The following VIRMA variants were observed in gnomAD, a reference collection of about 807,000 sequenced individuals.
The protein encoded by VIRMA is vir like m6A methyltransferase associated.
Under a neutral mutation model 182.4 loss-of-function variants are expected in VIRMA, and 65 were observed. The ratio of observed to expected loss-of-function variants is 0.36; its 90% CI spans 0.29 to 0.44. VIRMA has a LOEUF of 0.44. Ranked by LOEUF, VIRMA falls within the 20% of genes least tolerant of loss-of-function variation. The pLI is 1.00. For synonymous variants in VIRMA, 709 were observed against 743.1 expected (o/e 0.95, Z 0.75); for missense variants, 1,752 against 2,158.1 (o/e 0.81, Z 3.73).
At chr8:94,517,983 A>C in intron 9 of VIRMA, 41 bp from the exon 10 acceptor site, 8 of 1,523,664 alleles carry the variant, frequency 5.3e-6, no homozygotes, top group African/African-American at 1.4e-5. Context: ...ATACAAAAAC[A>C]ATTTTTTAGG....
At chr8:94,531,661 T>C (rs1815179605) in intron 5 of VIRMA, among the ~76,000 whole-genome samples, 1 of 152,334 alleles carries the variant, frequency 6.6e-6, no homozygotes, top group South Asian at 2.1e-4. Flanking sequence ...ACTTCTCACA[T>C]ACCAAAACAT....
Position 94,496,329 on chromosome 8 carries a change from A to G in VIRMA, c.4382T>C (p.Leu1461Ser). Residue 1461 changes from leucine (L) to serine (S), a missense_variant and splice_region_variant, in exon 18 of 24, where the codon TTG (leucine) becomes TCG (serine). By Grantham distance (145) the Leu-to-Ser change is moderately radical (BLOSUM62 -2). Transcript: ENST00000297591. ...NLFLELEKLVLEHSKDDDNLD... is the reference protein window; with the variant it reads ...NLFLELEKLVSEHSKDDDNLD... ...ACGCTCTGTTTTTTTCTTTTTTACC[A>G]AAACAAGCTTCTCTAGTTCAAGGAA... The G allele has an allele frequency of 6.2e-7, 1 of 1,605,856 alleles. No homozygotes were observed. The highest frequency in any genetic ancestry group is 8.5e-7 in the Non-Finnish European group (1 of 1,177,990).
At chr8:94,524,600 C>T (rs757990017) in intron 8 of VIRMA, among the ~76,000 whole-genome samples, 7 of 152,176 alleles carry the variant, frequency 4.6e-5, no homozygotes, top group African/African-American at 9.7e-5. Flanking sequence ...CCACCACACC[C>T]GGCTCTAGTT....
rs754972922 is a variant in VIRMA, at chr8:94,517,852, T to C, written c.2604A>G (p.Leu868=). Residue 868 remains leucine, a synonymous_variant, in exon 10 of 24, where the codon CTA becomes CTG. Transcript: ENST00000297591. ...VVQSSSDVQM[L]EQHAASLLKL... ...TCAAGAGAGATGCTGCATGTTGTTC[T>C]AGCATTTGAACATCACTGGAAGACT... The C allele has an allele frequency of 1.9e-6, 3 of 1,611,960 alleles. No individual in the cohort carries two copies. The highest frequency in any genetic ancestry group is 4.5e-5 in the East Asian group (2 of 44,762).
chr8:94,539,355 A>G (rs988735776), intron 2 of VIRMA, among the ~76,000 whole-genome samples: 7 of 152,214 alleles, frequency 4.6e-5, no homozygotes, highest in Admixed American at 4.6e-4. Context: ...AGCAATTTAC[A>G]AAAATATTTT....
chr8:94,514,089 TCA>T (rs753167296), intron 11 of VIRMA, among the ~76,000 whole-genome samples: 2 of 141,116 alleles, frequency 1.4e-5, no homozygotes, highest in South Asian at 2.3e-4. Context: ...TCTCTCTCTC[TCA>T]CACACACACA....
chr8:94,514,677 C>T (rs547062192), intron 11 of VIRMA, among the ~76,000 whole-genome samples, 192 bp downstream of exon 11: 10 of 152,326 alleles, frequency 6.6e-5, no homozygotes, highest in South Asian at 2.1e-4. Flanking sequence ...GTTATGTGCA[C>T]GTGTGTTCAC....
At chr8:94,514,840 G>GTT in intron 11 of VIRMA, 29 bp downstream of exon 11, 5 of 1,231,474 alleles carry the variant, frequency 4.1e-6, no homozygotes, top group Non-Finnish European at 4.7e-6. Flanking sequence ...GTTTCAAAAA[G>GTT]TCAAAGCACT....
chr8:94,528,572 A>T (rs1354963077), intron 7 of VIRMA, among the ~76,000 whole-genome samples: 1 of 152,224 alleles, frequency 6.6e-6, no homozygotes, highest in Non-Finnish European at 1.5e-5. Context: ...AATAAAGCCT[A>T]ATTAAAGGAC....
chr8:94,530,583 C>T (rs557673736), intron 6 of VIRMA, among the ~76,000 whole-genome samples: 34 of 151,954 alleles, frequency 2.2e-4, no homozygotes, highest in African/African-American at 8.2e-4. Context: ...GAGACTGCAT[C>T]AAGATTTGAT....
intron 8 of VIRMA, among the ~76,000 whole-genome samples, chr8:94,520,150 C>T (rs1213183445): frequency 1.4e-5 from 2 of 144,892 alleles, no homozygotes; most frequent in Non-Finnish European, 3.0e-5. Flanking sequence ...GCCATGATTG[C>T]TCCACTGCAC....
chr8:94,537,241 T>C, intron 3 of VIRMA, 90 bp from the exon 4 acceptor site: 1 of 857,922 alleles, frequency 1.2e-6, no homozygotes, highest in South Asian at 1.4e-5. Context: ...TATTTTAATA[T>C]AATCAAATGC....
intron 4 of VIRMA, among the ~76,000 whole-genome samples, chr8:94,536,851 C>T (rs112180854): frequency 6.6e-6 from 1 of 152,146 alleles, no homozygotes; most frequent in African/African-American, 2.4e-5. Flanking sequence ...TGGTGGCAGA[C>T]ACCTCTAGTC....
intron 11 of VIRMA, among the ~76,000 whole-genome samples, chr8:94,513,632 C>T (rs1182170864): frequency 6.6e-6 from 1 of 152,066 alleles, no homozygotes. Flanking sequence ...TAAAAATCAA[C>T]TCTTAACTAC....
At chr8:94,545,371 G>T (rs1335913784) in intron 1 of VIRMA, among the ~76,000 whole-genome samples, 1 of 152,120 alleles carries the variant, frequency 6.6e-6, no homozygotes, top group Non-Finnish European at 1.5e-5. Flanking sequence ...TTTGCATCTA[G>T]AAAGACTGAG....
intron 3 of VIRMA, 145 bp from the exon 4 acceptor site, chr8:94,537,296 TG>T (rs1815379104): frequency 4.5e-6 from 3 of 661,362 alleles, no homozygotes; most frequent in Non-Finnish European, 5.3e-6. Context: ...TTGAGTTTAA[TG>T]TATTGTCCCC....
intron 13 of VIRMA, 26 bp from the exon 14 acceptor site, chr8:94,510,678 T>C (rs1236204977): frequency 6.7e-7 from 1 of 1,501,770 alleles, no homozygotes; most frequent in Admixed American, 1.7e-5. Context: ...AATGTGTGTG[T>C]ACGTAGATTT....
chr8:94,539,725 T>C lies in VIRMA; in HGVS notation c.180-1379A>G, dbSNP rs79495860. ...GTTTGAACGTACCCCACAAAGTCCA[T>C]GTCCTGGAAATTTAATCCCCAATGC... On this transcript the variant is annotated intron_variant, in intron 2 of 23. Coordinates refer to ENST00000297591, the MANE Select transcript of VIRMA (RefSeq NM_015496.5). Among the ~76,000 whole-genome samples the C allele has an allele frequency of 7.4e-3, 1,122 of 152,282 alleles. 17 individuals carry two copies. The highest frequency in any genetic ancestry group is 0.025 in the African/African-American group (1,049 of 41,556).
At chr8:94,521,272 T>C (rs1814758336) in intron 8 of VIRMA, among the ~76,000 whole-genome samples, 1 of 152,162 alleles carries the variant, frequency 6.6e-6, no homozygotes, top group African/African-American at 2.4e-5. Flanking sequence ...GTTCTCACCG[T>C]TCAGCTCCCA....
Sources: allele counts gnomAD v4.1 joint callset (sites outside exome capture counted in the v4.1 genomes callset), GRCh38; gene constraint gnomAD v4.1.1; transcripts MANE v1.5; gene names NCBI Gene and HGNC (gene_info 2026-07-23, HGNC 2026-07-21).